EXOC6: variants seen among roughly 807,000 people sequenced by gnomAD.
The protein encoded by EXOC6 is SEC15-like 1.
Under a neutral mutation model 112.5 loss-of-function variants are expected in EXOC6, and 60 were observed. That is an observed-to-expected ratio of 0.53 (90% CI 0.43 to 0.66). The LOEUF (loss-of-function observed/expected upper bound fraction) is 0.66, where lower values mean the gene tolerates loss of function less well. EXOC6 is among the 30% of genes least tolerant of loss of function. EXOC6 has a pLI of 0.00. For synonymous variants in EXOC6, 295 were observed against 308.0 expected (o/e 0.96, Z 0.44); for missense variants, 855 against 957.1 (o/e 0.89, Z 1.41).
At chr10:92,918,475 C>G (rs1851242387) in intron 7 of EXOC6, among the ~76,000 whole-genome samples, 1 of 150,866 alleles carries the variant, frequency 6.6e-6, no homozygotes, top group African/African-American at 2.4e-5. Flanking sequence ...GAGCAGTTGG[C>G]ATAATCATGG....
At chr10:92,973,130 A>C (rs1370370197) in intron 17 of EXOC6, among the ~76,000 whole-genome samples, 3 of 152,206 alleles carry the variant, frequency 2.0e-5, no homozygotes. Flanking sequence ...ATTCAGGTCA[A>C]ATAAAGACAT....
At chr10:92,903,256 G>A (rs944581787) in intron 5 of EXOC6, among the ~76,000 whole-genome samples, 3 of 151,912 alleles carry the variant, frequency 2.0e-5, no homozygotes, top group African/African-American at 4.8e-5. Context: ...CCTTGCAAAC[G>A]TATGGTGTTT....
At chr10:93,013,548 C>T (rs1330884055) in intron 19 of EXOC6, among the ~76,000 whole-genome samples, 1 of 151,972 alleles carries the variant, frequency 6.6e-6, no homozygotes, top group Non-Finnish European at 1.5e-5. Flanking sequence ...GCAGAGGTTG[C>T]AATGAGCCGA....
chr10:92,832,474 C>T (rs892007484), upstream of EXOC6, among the ~76,000 whole-genome samples: 1 of 152,106 alleles, frequency 6.6e-6, no homozygotes. Context: ...GATGGTGTTT[C>T]ACCATGTTGG....
intron 1 of EXOC6, among the ~76,000 whole-genome samples, chr10:92,855,637 G>T (rs1847564819): frequency 6.6e-6 from 1 of 152,042 alleles, no homozygotes. Flanking sequence ...GATAGTTTGT[G>T]TCTTTCTAGG....
intron 8 of EXOC6, among the ~76,000 whole-genome samples, chr10:92,927,965 C>T (rs892431656): frequency 2.6e-5 from 4 of 152,114 alleles, no homozygotes; most frequent in Non-Finnish European, 4.4e-5. Context: ...GTATAACATG[C>T]TCATGTTACA....
chr10:92,989,896 A>T lies in EXOC6; in HGVS notation c.1954-7578A>T, dbSNP rs371891142. The stretch of plus-strand genomic sequence containing the variant: ...ATCGAGTATTTTCAAAAAGTTCTTT[A>T]TGTTGTAGTTATTTCTGTGGGAATC... On this transcript the variant is annotated intron_variant, in intron 18 of 21. Coordinates refer to ENST00000260762, the MANE Select transcript of EXOC6 (RefSeq NM_019053.6). Among the ~76,000 whole-genome samples, 6 of 152,278 alleles carry T rather than the reference A, an allele frequency of 3.9e-5. No individual in the cohort carries two copies. In the East Asian group the frequency reaches 5.8e-4, roughly 15 times the overall value.
intron 7 of EXOC6, among the ~76,000 whole-genome samples, chr10:92,916,271 A>C (rs1268964533): frequency 6.6e-6 from 1 of 152,142 alleles, no homozygotes; most frequent in African/African-American, 2.4e-5. Context: ...AGCACTTTGC[A>C]AGGTTGAGGT....
intron 18 of EXOC6, among the ~76,000 whole-genome samples, chr10:92,988,677 A>G (rs1271746819): frequency 6.6e-6 from 1 of 152,074 alleles, no homozygotes; most frequent in African/African-American, 2.4e-5. Context: ...TATATTTCTG[A>G]GGCCGGACAC....
intron 20 of EXOC6, among the ~76,000 whole-genome samples, chr10:93,014,802 C>CT (rs750664816): frequency 1.3e-5 from 2 of 152,156 alleles, no homozygotes; most frequent in Non-Finnish European, 2.9e-5. Flanking sequence ...CCACAATACT[C>CT]TAAGTGTAGT....
chr10:92,910,101 A>G (rs1589813206), intron 6 of EXOC6, among the ~76,000 whole-genome samples: 1 of 152,232 alleles, frequency 6.6e-6, no homozygotes, highest in East Asian at 1.9e-4. Context: ...GGAAGTCAAT[A>G]TATCTACCTT....
At chr10:92,853,370 A>G (rs1277294544) in intron 1 of EXOC6, among the ~76,000 whole-genome samples, 1 of 152,226 alleles carries the variant, frequency 6.6e-6, no homozygotes, top group East Asian at 1.9e-4. Context: ...CAGCAGAATG[A>G]AAATTTATAG....
At chr10:92,896,143 ATGTG>A (rs1215853853) in intron 4 of EXOC6, among the ~76,000 whole-genome samples, 300 of 26,034 alleles carry the variant, frequency 0.012, 28 homozygotes, top group African/African-American at 0.058. Context: ...GTGTGTATGT[ATGTG>A]TATATATATA....
At position 92,867,415 on chromosome 10, in the gene EXOC6, G is replaced by A. The variant is rs537497204; in HGVS notation, c.101+18781G>A. On this transcript the variant is annotated intron_variant, in intron 1 of 21. Coordinates refer to ENST00000260762, the MANE Select transcript of EXOC6 (RefSeq NM_019053.6). ...AATTTGTAGAGAGGATGGGGGAAGC[G>A]GGGATGACCCAGAGAAACAGGCAGC... 2.6e-5 allele frequency among the ~76,000 whole-genome samples: 4 copies of A among 152,198 alleles called. No homozygotes were observed. In the East Asian group the frequency reaches 7.7e-4, roughly 29 times the overall value.
intron 19 of EXOC6, among the ~76,000 whole-genome samples, chr10:93,010,064 G>A (rs915695312): frequency 6.6e-5 from 10 of 152,126 alleles, no homozygotes; most frequent in Non-Finnish European, 1.5e-5. Context: ...AGATATTTTG[G>A]GAAGTAGAAA....
At chr10:93,051,313 G>A (rs1846283646) in intron 20 of EXOC6, among the ~76,000 whole-genome samples, 2 of 152,212 alleles carry the variant, frequency 1.3e-5, no homozygotes, top group Admixed American at 6.5e-5. Flanking sequence ...GCAGCATGAA[G>A]TGCTCAGAAC....
chr10:92,848,719 CCG>C, intron 1 of EXOC6, 85 bp downstream of exon 1: 1 of 1,108,436 alleles, frequency 9.0e-7, no homozygotes, highest in Non-Finnish European at 1.1e-6. Flanking sequence ...CCGCCGCCGG[CCG>C]CGCGCGAAGC....
intron 17 of EXOC6, among the ~76,000 whole-genome samples, chr10:92,967,934 A>G (rs983970924): frequency 1.3e-5 from 2 of 152,194 alleles, no homozygotes; most frequent in African/African-American, 4.8e-5. Context: ...TGAGACATGA[A>G]TGAGGGAACT....
intron 20 of EXOC6, among the ~76,000 whole-genome samples, chr10:93,021,861 G>C (rs1844810330): frequency 6.6e-6 from 1 of 152,176 alleles, no homozygotes; most frequent in South Asian, 2.1e-4. Flanking sequence ...TATTTTCTCA[G>C]TTGTATATGA....
Sources: gnomAD v4.1 joint callset for allele counts (sites outside exome capture counted in the v4.1 genomes callset) on GRCh38, gnomAD v4.1.1 for gene constraint, MANE v1.5 for transcripts, NCBI Gene and HGNC (gene_info 2026-07-23, HGNC 2026-07-21) for gene names.